WDPCP: variants seen among roughly 807,000 people sequenced by gnomAD.
The protein encoded by WDPCP is WD repeat-containing and planar cell polarity effector protein fritz homolog.
Under a neutral mutation model 93.1 loss-of-function variants are expected in WDPCP, and 71 were observed. The observed-to-expected ratio is 0.76, with a 90% CI of 0.63 to 0.93. The LOEUF (loss-of-function observed/expected upper bound fraction) is 0.93, where lower values mean the gene tolerates loss of function less well. Ranked by LOEUF, WDPCP falls within the 40% of genes least tolerant of loss-of-function variation. The pLI, the probability that WDPCP is intolerant of heterozygous loss-of-function variation, is 0.00. For synonymous variants in WDPCP, 315 were observed against 315.0 expected (o/e 1.00, Z 0.00); for missense variants, 844 against 887.4 (o/e 0.95, Z 0.62).
At chr2:63,736,165 G>A (rs1457409445) in intron 2 of WDPCP, among the ~76,000 whole-genome samples, 2 of 152,166 alleles carry the variant, frequency 1.3e-5, no homozygotes, top group Non-Finnish European at 2.9e-5. Flanking sequence ...CCTGATCTCT[G>A]ACCCTCATCT....
chr2:63,532,981 C>G (rs1225120386), intron 1 of WDPCP, among the ~76,000 whole-genome samples: 3 of 152,024 alleles, frequency 2.0e-5, no homozygotes, highest in Non-Finnish European at 4.4e-5. Context: ...TGTGCAGAGA[C>G]ACATATAGAC....
chr2:63,359,265 T>C (rs1471575908), intron 12 of WDPCP, among the ~76,000 whole-genome samples: 4 of 152,266 alleles, frequency 2.6e-5, no homozygotes, highest in South Asian at 2.1e-4. Context: ...ATTTCTCTCA[T>C]GCTTAAGACG....
At chr2:63,616,760 G>C (rs1341547951) in intron 3 of WDPCP, among the ~76,000 whole-genome samples, 1 of 152,076 alleles carries the variant, frequency 6.6e-6, no homozygotes, top group African/African-American at 2.4e-5. Flanking sequence ...AAAAGTATAT[G>C]CAAATAAGGA....
intron 9 of WDPCP, among the ~76,000 whole-genome samples, chr2:63,407,083 A>G (rs911799626): frequency 2.6e-5 from 4 of 152,152 alleles, no homozygotes; most frequent in African/African-American, 9.7e-5. Context: ...CCTAAACACT[A>G]TGAAGTAAAA....
At chr2:63,449,641 C>T (rs1322829181) in intron 6 of WDPCP, among the ~76,000 whole-genome samples, 2 of 152,142 alleles carry the variant, frequency 1.3e-5, no homozygotes, top group Non-Finnish European at 2.9e-5. Flanking sequence ...ACCTCCTCTA[C>T]CCACACAAAC....
At chr2:63,520,429 A>AT (rs1161475599) in intron 1 of WDPCP, among the ~76,000 whole-genome samples, 2 of 152,278 alleles carry the variant, frequency 1.3e-5, no homozygotes, top group East Asian at 3.9e-4. Context: ...CCAAAGACAA[A>AT]TAGTCATCAG....
At chr2:63,536,635 T>G (rs1400535481) in intron 1 of WDPCP, among the ~76,000 whole-genome samples, 2 of 151,824 alleles carry the variant, frequency 1.3e-5, no homozygotes, top group African/African-American at 4.8e-5. Context: ...TAAAAAAAAA[T>G]TATCTGTAAT....
At chr2:63,360,733 A>G (rs541167125) in intron 12 of WDPCP, among the ~76,000 whole-genome samples, 2 of 152,202 alleles carry the variant, frequency 1.3e-5, no homozygotes, top group Admixed American at 6.5e-5. Context: ...GTTGTTTCAC[A>G]CTTCTTTTGC....
At chr2:63,480,293 T>G (rs1700192618) in intron 6 of WDPCP, among the ~76,000 whole-genome samples, 1 of 152,256 alleles carries the variant, frequency 6.6e-6, no homozygotes, top group Admixed American at 6.5e-5. Context: ...ATCAATATCA[T>G]GAAAATGGCC....
chr2:63,455,244 C>G lies in WDPCP; in HGVS notation c.385-15373G>C, dbSNP rs560730404. On this transcript the variant is annotated intron_variant, in intron 6 of 17. Transcript: ENST00000272321. ...AGGAACAAAGACTATACAAAGCAACCTAAAGACAATTAACAATATTAAAGG... is the reference window on the plus strand; with the variant it reads ...AGGAACAAAGACTATACAAAGCAACGTAAAGACAATTAACAATATTAAAGG... Among the ~76,000 whole-genome samples the G allele has an allele frequency of 3.3e-5, 5 of 151,848 alleles. No homozygotes were observed. The South Asian group carries it at 1.0e-3, about 32-fold the overall frequency.
chr2:63,128,914 C>T (rs568637798), intron 17 of WDPCP, among the ~76,000 whole-genome samples: 3 of 152,174 alleles, frequency 2.0e-5, no homozygotes, highest in Non-Finnish European at 4.4e-5. Flanking sequence ...GTGATCCACC[C>T]ACCTTGGCCT....
At chr2:63,125,500 C>T (rs1225019929) in intron 17 of WDPCP, among the ~76,000 whole-genome samples, 1 of 152,186 alleles carries the variant, frequency 6.6e-6, no homozygotes, top group Non-Finnish European at 1.5e-5. Context: ...GCTAGGTTCT[C>T]CATGCTGGCC....
intron 3 of WDPCP, chr2:63,598,249 C>G (rs1709354433): frequency 6.6e-6 from 1 of 152,336 alleles, no homozygotes; most frequent in Non-Finnish European, 1.5e-5. Flanking sequence ...CTGTCTCAGC[C>G]TCGTGAGTAG....
At chr2:63,457,116 C>A (rs944867206) in intron 6 of WDPCP, among the ~76,000 whole-genome samples, 2 of 151,674 alleles carry the variant, frequency 1.3e-5, no homozygotes, top group African/African-American at 2.4e-5. Flanking sequence ...AAGAGAAGAC[C>A]CAGATAAAAT....
chr2:63,365,571 G>A (rs896887820), intron 12 of WDPCP, among the ~76,000 whole-genome samples: 5 of 152,090 alleles, frequency 3.3e-5, no homozygotes, highest in Non-Finnish European at 7.4e-5. Context: ...CTTAGGACTG[G>A]CATTTTTGGG....
chr2:63,827,669 A>C (rs893038957), exon 1 of WDPCP: 18 of 152,188 alleles, frequency 1.2e-4, no homozygotes, highest in African/African-American at 4.1e-4. Flanking sequence ...TCTCAGTTAA[A>C]CGGTTCAAAC....
At chr2:63,719,258 T>TA (rs1262098765) in intron 2 of WDPCP, among the ~76,000 whole-genome samples, 1 of 152,168 alleles carries the variant, frequency 6.6e-6, no homozygotes, top group East Asian at 1.9e-4. Flanking sequence ...GAGGAGGGGC[T>TA]ACTTAGAATG....
intron 14 of WDPCP, chr2:63,228,544 T>C (rs189248726): frequency 3.9e-5 from 6 of 152,078 alleles, no homozygotes; most frequent in Admixed American, 6.6e-5. Flanking sequence ...AACTCGTCAT[T>C]TAGCATTAGG....
At chr2:63,326,795 C>T (rs376289644) in intron 12 of WDPCP, among the ~76,000 whole-genome samples, 15 of 151,950 alleles carry the variant, frequency 9.9e-5, no homozygotes, top group South Asian at 4.2e-4. Flanking sequence ...GAAAGAGAGA[C>T]GAAGATGTCA....
Sources: gnomAD v4.1 joint callset for allele counts (sites outside exome capture counted in the v4.1 genomes callset) on GRCh38, gnomAD v4.1.1 for gene constraint, MANE v1.5 for transcripts, NCBI Gene and HGNC (gene_info 2026-07-23, HGNC 2026-07-21) for gene names.